Variants in THAP3 observed in about 807,000 individuals in gnomAD.
The protein encoded by THAP3 is THAP domain-containing protein 3.
THAP3 carries 12 observed loss-of-function variants against 17.7 expected under a neutral mutation model. The observed-to-expected ratio is 0.68, with a 90% CI of 0.43 to 1.10. The LOEUF is 1.10. Ranked by LOEUF, THAP3 falls within the 50% of genes least tolerant of loss-of-function variation. The probability of loss-of-function intolerance (pLI) is 0.00; values close to 1 mark genes in which losing one functional copy is unlikely to be tolerated. For missense variants in THAP3, 289 were observed against 318.0 expected (o/e 0.91, Z 0.69); for synonymous variants, 133 against 126.9 (o/e 1.05, Z -0.32).
chr1:6,626,034 G>T (rs1202130912), intron 2 of THAP3, among the ~76,000 whole-genome samples: 2 of 152,186 alleles, frequency 1.3e-5, no homozygotes, highest in East Asian at 3.9e-4. Context: ...CCAGCTGGGC[G>T]CGGTGGCTCA....
At chr1:6,628,124 C>T (rs566574772) in intron 2 of THAP3, 33 of 187,230 alleles carry the variant, frequency 1.8e-4, no homozygotes, top group African/African-American at 5.9e-4. Context: ...CAGAAGACAC[C>T]GTCCACATCT....
chr1:6,628,936 T>C (rs1641536291), intron 3 of THAP3, among the ~76,000 whole-genome samples: 2 of 152,230 alleles, frequency 1.3e-5, no homozygotes, highest in Non-Finnish European at 2.9e-5. Flanking sequence ...GTGCGGTGGC[T>C]CACGTCTGTA....
At chr1:6,635,456 C>T (rs1373419150), downstream of THAP3, 1 of 541,528 alleles carries the variant, frequency 1.8e-6, no homozygotes, top group Non-Finnish European at 3.3e-6. Context: ...ATGGGCCAGG[C>T]TGCAGTCTGG....
At chr1:6,634,214 C>T (rs986088796), downstream of THAP3, 71 of 972,694 alleles carry the variant, frequency 7.3e-5, no homozygotes, top group African/African-American at 7.8e-4. Context: ...TCTGTACAGT[C>T]GACTGCAAAT....
At position 6,633,325 on chromosome 1, in the gene THAP3, A is replaced by G; in HGVS notation, c.*248A>G. The G allele has an allele frequency of 7.2e-7, 1 of 1,386,408 alleles. No homozygotes were observed. 85.9% of individuals were successfully genotyped at this position (1,386,408 alleles called of 1,614,324 possible). A position where few individuals can be genotyped will look rare whatever the true frequency, so the allele number is the denominator to read the frequency against. The stretch of plus-strand genomic sequence containing the variant: ...GACAAGCTTATCCTCCCATGGTAAC[A>G]GAAGTCCAGGCTGAGGCTGATTCTG... On this transcript the variant is annotated 3_prime_UTR_variant, in exon 6 of 6. Transcript: ENST00000054650.
At chr1:6,625,762 C>T (rs1306229695) in intron 2 of THAP3, among the ~76,000 whole-genome samples, 1 of 151,970 alleles carries the variant, frequency 6.6e-6, no homozygotes, top group African/African-American at 2.4e-5. Flanking sequence ...CCCGGCCCGG[C>T]CCGGCCCAGG....
intron 5 of THAP3, 129 bp downstream of exon 5, chr1:6,632,624 G>A (rs900854817): frequency 6.1e-6 from 9 of 1,467,368 alleles, no homozygotes; most frequent in African/African-American, 1.4e-5. Flanking sequence ...GGGTTTCAGA[G>A]CTCCCCAGTC....
chr1:6,629,710 G>GC (rs1337612363), intron 3 of THAP3: 2 of 153,730 alleles, frequency 1.3e-5, no homozygotes, highest in African/African-American at 2.4e-5. Flanking sequence ...GCCTGGCACA[G>GC]CCCAGGTGCT....
intron 3 of THAP3, among the ~76,000 whole-genome samples, chr1:6,628,933 G>A (rs1415520202): frequency 6.6e-6 from 1 of 152,214 alleles, no homozygotes; most frequent in Non-Finnish European, 1.5e-5. Flanking sequence ...TGGGTGCGGT[G>A]GCTCACGTCT....
chr1:6,626,880 G>C (rs1641482623), intron 2 of THAP3, among the ~76,000 whole-genome samples: 1 of 152,186 alleles, frequency 6.6e-6, no homozygotes, highest in South Asian at 2.1e-4. Flanking sequence ...GTTTTGGCCA[G>C]TTTTGGTGGG....
At chr1:6,629,575 C>T (rs1380776771) in intron 3 of THAP3, 3 of 152,990 alleles carry the variant, frequency 2.0e-5, no homozygotes, top group Non-Finnish European at 4.4e-5. Context: ...CCTCAGTCTT[C>T]CTGGCCCCTG....
chr1:6,634,870 C>T (rs879882291), downstream of THAP3: 2 of 1,213,102 alleles, frequency 1.6e-6, no homozygotes, highest in Non-Finnish European at 1.1e-6. Context: ...GTCCTGTCCT[C>T]TTGAGCTGCC....
chr1:6,632,236 C>G (rs182123), intron 4 of THAP3, 155 bp from the exon 5 acceptor site: 1 of 925,688 alleles, frequency 1.1e-6, no homozygotes, highest in East Asian at 2.6e-5. Flanking sequence ...AAGTTCAGTT[C>G]CAGGGTGTGT....
At chr1:6,633,975 A>C (rs764702283), downstream of THAP3, 15 of 1,566,778 alleles carry the variant, frequency 9.6e-6, no homozygotes, top group Non-Finnish European at 1.3e-5. Context: ...TTAAAGAAAA[A>C]AGTTCTAGCC....
rs757393803 is a variant in THAP3 at position 6,632,496 on chromosome 1, G to T, written c.438+1G>T. The stretch of plus-strand genomic sequence containing the variant: ...AAATGCCGAAGGCCACGTAAAACAG[G>T]TAAGACTGAGTGCAAAGGTGGTCTG... On this transcript the variant is annotated splice_donor_variant, in intron 5 of 5. Transcript: ENST00000054650. LOFTEE classifies it high-confidence loss of function. The T allele has an allele frequency of 1.2e-5, 20 of 1,614,016 alleles. No homozygotes were observed. Among genetic ancestry groups the T allele is most frequent in the Non-Finnish European group, 1.7e-5 (20 of 1,180,016 alleles).
At chr1:6,634,130 CT>C, downstream of THAP3, 1 of 1,558,426 alleles carries the variant, frequency 6.4e-7, no homozygotes, top group Non-Finnish European at 8.8e-7. Flanking sequence ...TCCCTCCCTC[CT>C]GAAGATGAAC....
Position 6,630,271 on chromosome 1 carries a change from G to C in THAP3, c.268-17G>C. 1 of 1,613,634 alleles carries C rather than the reference G, an allele frequency of 6.2e-7. No homozygotes were observed. The highest frequency in any genetic ancestry group is 8.5e-7 in the Non-Finnish European group (1 of 1,179,556). On this transcript the variant is annotated splice_polypyrimidine_tract_variant and intron_variant, in intron 3 of 5. Transcript: ENST00000054650. ...GGTTCTTGGGGTCTGCATCCACTCT[G>C]TGTGTGTCTCTTGTAGCAGGTGAGG...
intron 2 of THAP3, among the ~76,000 whole-genome samples, chr1:6,625,925 C>G (rs1641458113): frequency 6.6e-6 from 1 of 152,200 alleles, no homozygotes. Context: ...AAATGCTTTG[C>G]TTGAAGTATA....
chr1:6,634,863 C>T (rs1404406834), downstream of THAP3: 1 of 1,223,462 alleles, frequency 8.2e-7, no homozygotes, highest in Admixed American at 3.0e-5. Flanking sequence ...GCGCCTGGTC[C>T]TGTCCTCTTG....
Sources: gnomAD v4.1 joint callset for allele counts (sites outside exome capture counted in the v4.1 genomes callset) on GRCh38, gnomAD v4.1.1 for gene constraint, MANE v1.5 for transcripts, NCBI Gene and HGNC (gene_info 2026-07-23, HGNC 2026-07-21) for gene names.